The following KLRG1 variants were observed in gnomAD, a reference collection of about 807,000 sequenced individuals.
The protein encoded by KLRG1 is killer cell lectin-like receptor subfamily G member 1.
KLRG1 carries 16 observed loss-of-function variants against 21.8 expected under a neutral mutation model. That is an observed-to-expected ratio of 0.73 (90% CI 0.50 to 1.11). The LOEUF is 1.11. KLRG1 is among the 50% of genes most tolerant of loss of function. The pLI is 0.00. For missense variants in KLRG1, 173 were observed against 218.3 expected (o/e 0.79, Z 1.31); for synonymous variants, 69 against 75.9 (o/e 0.91, Z 0.47).
chr12:9,113,533 C>A, the KLRG1 span: 3 of 1,613,566 alleles, frequency 1.9e-6, no homozygotes, highest in East Asian at 4.5e-5. Context: ...GGGACCAGAA[C>A]CATATACTGC....
chr12:9,024,744 G>C, the KLRG1 span, among the ~76,000 whole-genome samples: 10 of 152,180 alleles, frequency 6.6e-5, 1 homozygote, highest in South Asian at 4.2e-4. Flanking sequence ...CTTCACCCCT[G>C]GTTCCATTTT....
chr12:9,107,635 A>T, the KLRG1 span: 2 of 1,613,928 alleles, frequency 1.2e-6, no homozygotes, highest in Non-Finnish European at 1.7e-6. Flanking sequence ...CAGGCTTCCC[A>T]TATGTGTATC....
the KLRG1 span, chr12:9,135,582 G>T: frequency 3.0e-6 from 1 of 333,878 alleles, no homozygotes; most frequent in South Asian, 3.0e-5. Context: ...ACAGTATGAT[G>T]ACTGTATCAG....
the KLRG1 span, chr12:9,194,338 C>T: frequency 2.7e-6 from 3 of 1,129,436 alleles, no homozygotes; most frequent in South Asian, 5.4e-5. Flanking sequence ...AAACAACAAC[C>T]TCCCCCTCAA....
At chr12:9,129,705 G>A in the KLRG1 span, among the ~76,000 whole-genome samples, 1 of 151,948 alleles carries the variant, frequency 6.6e-6, no homozygotes, top group African/African-American at 2.4e-5. Flanking sequence ...CCGCCACCAC[G>A]CCCGGCTACT....
chr12:8,986,498 C>A (rs1274981410), upstream of KLRG1, among the ~76,000 whole-genome samples: 2 of 151,946 alleles, frequency 1.3e-5, no homozygotes, highest in African/African-American at 2.4e-5. Context: ...TAATTCAACA[C>A]TGTCATTTAT....
intron 1 of KLRG1, among the ~76,000 whole-genome samples, chr12:8,954,671 G>A (rs1041706290): frequency 1.3e-5 from 2 of 152,048 alleles, no homozygotes; most frequent in African/African-American, 4.8e-5. Context: ...TGCTACTTGT[G>A]TGTCACTGCT....
At chr12:9,124,718 C>T in the KLRG1 span, among the ~76,000 whole-genome samples, 75 of 152,318 alleles carry the variant, frequency 4.9e-4, 1 homozygote, top group African/African-American at 1.7e-3. Context: ...CTCCCATTGC[C>T]TGGCCTTTCT....
the KLRG1 span, chr12:9,160,399 A>G: frequency 1.9e-6 from 3 of 1,613,964 alleles, no homozygotes; most frequent in Admixed American, 1.7e-5. Flanking sequence ...CATAGATGTT[A>G]GGAGCAAATA....
chr12:9,104,121 A>C, the KLRG1 span: 1 of 1,021,826 alleles, frequency 9.8e-7, no homozygotes, highest in Non-Finnish European at 1.4e-6. Flanking sequence ...TCGGTTTCTA[A>C]TTGCTAGTTT....
chr12:9,102,560 C>T, the KLRG1 span, among the ~76,000 whole-genome samples: 116 of 152,252 alleles, frequency 7.6e-4, no homozygotes, highest in African/African-American at 2.8e-3. Flanking sequence ...GATTCTAATA[C>T]CTCAGAGGCC....
At chr12:9,115,834 G>T in the KLRG1 span, 7 of 1,613,312 alleles carry the variant, frequency 4.3e-6, no homozygotes, top group Non-Finnish European at 5.9e-6. Flanking sequence ...GGATGAAGGA[G>T]TTTGTTCTTC....
the KLRG1 span, chr12:9,135,340 G>A: frequency 3.2e-6 from 1 of 312,426 alleles, no homozygotes; most frequent in Admixed American, 4.0e-5. Context: ...GCAGTCAGGA[G>A]CTGTTCAAGC....
At position 8,977,275 on chromosome 12, in the gene KLRG1, C is replaced by T. The variant is rs1304416758; in HGVS notation, c.-155-14931C>T. ...CTGGAGTGCAGTGGCGTGATCTCGG[C>T]TCACTGCAAGCTCCGCCTCCTGGGT... is the stretch of plus-strand genomic sequence containing the variant. On this transcript the variant is annotated intron_variant, in intron 1 of 4. Transcript: ENST00000539240. Among the ~76,000 whole-genome samples, 4 of 151,364 alleles carry T rather than the reference C, an allele frequency of 2.6e-5. No individual in the cohort carries two copies. In the East Asian group the frequency reaches 5.8e-4, roughly 22 times the overall value.
chr12:9,022,586 G>T, the KLRG1 span, among the ~76,000 whole-genome samples: 141 of 152,178 alleles, frequency 9.3e-4, no homozygotes, highest in African/African-American at 3.3e-3. Flanking sequence ...TTTTAGGATC[G>T]GGGGTGGTCA....
At chr12:9,095,272 C>A in the KLRG1 span, among the ~76,000 whole-genome samples, 1 of 152,154 alleles carries the variant, frequency 6.6e-6, no homozygotes, top group South Asian at 2.1e-4. Context: ...ACTCTTTCAA[C>A]AGTAATTATT....
the KLRG1 span, among the ~76,000 whole-genome samples, chr12:9,107,019 A>C: frequency 6.6e-6 from 1 of 152,170 alleles, no homozygotes; most frequent in Non-Finnish European, 1.5e-5. Flanking sequence ...GAAATAGTTC[A>C]AGTCCTGTCC....
chr12:9,097,775 G>T, the KLRG1 span, among the ~76,000 whole-genome samples: 1 of 152,050 alleles, frequency 6.6e-6, no homozygotes, highest in Non-Finnish European at 1.5e-5. Context: ...TGGGATGACA[G>T]GCGCCCGCCA....
chr12:9,202,081 A>G, the KLRG1 span, among the ~76,000 whole-genome samples: 1 of 152,198 alleles, frequency 6.6e-6, no homozygotes, highest in Non-Finnish European at 1.5e-5. Flanking sequence ...CAGTGTGTTC[A>G]GAGTAACAAA....
Sources: allele counts gnomAD v4.1 joint callset (sites outside exome capture counted in the v4.1 genomes callset), GRCh38; gene constraint gnomAD v4.1.1; transcripts MANE v1.5; gene names NCBI Gene and HGNC (gene_info 2026-07-23, HGNC 2026-07-21).